The following VAMP7 variants were observed in gnomAD, a reference collection of about 807,000 sequenced individuals.
VAMP7 encodes vesicle associated membrane protein 7, also known as vesicle-associated membrane protein 7.
In VAMP7, 14 loss-of-function variants were observed where a neutral mutation model predicts 29.6. The ratio of observed to expected loss-of-function variants is 0.47; its 90% CI spans 0.31 to 0.74. VAMP7 has a LOEUF of 0.74. VAMP7 is among the 30% of genes least tolerant of loss of function. The probability of loss-of-function intolerance (pLI) is 0.05; values close to 1 mark genes in which losing one functional copy is unlikely to be tolerated. For synonymous variants in VAMP7, 95 were observed against 88.1 expected (o/e 1.08, Z -0.44); for missense variants, 223 against 262.4 (o/e 0.85, Z 1.04).
intron 6 of VAMP7, among the ~76,000 whole-genome samples, chrX:155,928,993 A>G (rs1322266366): frequency 3.3e-5 from 5 of 152,206 alleles, no homozygotes; most frequent in African/African-American, 7.2e-5. Flanking sequence ...TTTTCTTCAT[A>G]TGAGTTTGTG....
intron 5 of VAMP7, among the ~76,000 whole-genome samples, chrX:155,907,743 C>CA (rs1243662527): frequency 1.3e-5 from 2 of 152,150 alleles, no homozygotes; most frequent in African/African-American, 4.8e-5. Context: ...TTCTATTCCA[C>CA]AAAACCGCCA....
chrX:155,892,906 C>G (rs1040881626), intron 2 of VAMP7, among the ~76,000 whole-genome samples: 9 of 152,040 alleles, frequency 5.9e-5, no homozygotes, highest in Admixed American at 3.3e-4. Flanking sequence ...GCGTGTGCCA[C>G]CACGCCTGGC....
Position 155,941,054 on chromosome X carries a change from T to C in VAMP7, c.595-829T>C, listed in dbSNP as rs746367507. 5.9e-5 allele frequency among the ~76,000 whole-genome samples: 9 copies of C among 152,244 alleles called. No homozygotes were observed. The South Asian group carries it at 1.9e-3, about 32-fold the overall frequency. ...AGCCAGGCATAGGGGCTTATGCCTG[T>C]AATCCCAGCACTTTGGGAAGCTGAG... On this transcript the variant is annotated intron_variant, in intron 7 of 7. Transcript: ENST00000286448.
intron 6 of VAMP7, among the ~76,000 whole-genome samples, chrX:155,921,091 T>C (rs1048496388): frequency 6.6e-6 from 1 of 152,156 alleles, no homozygotes; most frequent in Non-Finnish European, 1.5e-5. Context: ...CTCTTAGTTA[T>C]TCTTAATTCT....
At chrX:155,918,509 G>A (rs1212137525) in intron 5 of VAMP7, among the ~76,000 whole-genome samples, 3 of 152,118 alleles carry the variant, frequency 2.0e-5, no homozygotes, top group Non-Finnish European at 2.9e-5. Flanking sequence ...CTGGGCCAGA[G>A]TGCACCATTC....
chrX:155,893,712 C>T (rs1467697565), intron 2 of VAMP7, among the ~76,000 whole-genome samples: 1 of 152,172 alleles, frequency 6.6e-6, no homozygotes, highest in Admixed American at 6.5e-5. Flanking sequence ...AATCCCATCA[C>T]GAGGACCCCA....
At chrX:155,905,042 A>G (rs2066128756) in intron 5 of VAMP7, among the ~76,000 whole-genome samples, 1 of 151,794 alleles carries the variant, frequency 6.6e-6, no homozygotes. Context: ...ATACATTCCT[A>G]ATAGCAATGT....
intron 6 of VAMP7, 59 bp from the exon 7 acceptor site, chrX:155,939,642 A>G: frequency 8.4e-7 from 1 of 1,191,642 alleles, no homozygotes; most frequent in Non-Finnish European, 1.3e-6. Flanking sequence ...TCAGGTTGTT[A>G]CTGCAAATCA....
At chrX:155,933,276 T>C (rs954811308) in intron 6 of VAMP7, among the ~76,000 whole-genome samples, 1 of 152,208 alleles carries the variant, frequency 6.6e-6, no homozygotes, top group Non-Finnish European at 1.5e-5. Context: ...TCAGAAGGAA[T>C]GGTGTCAGCT....
chrX:155,894,873 C>G (rs767727072), intron 2 of VAMP7, among the ~76,000 whole-genome samples: 2 of 152,120 alleles, frequency 1.3e-5, no homozygotes, highest in South Asian at 4.2e-4. Flanking sequence ...GCCTCAGCCT[C>G]CCAAAGTGCT....
chrX:155,939,727 A>T lies in VAMP7; in HGVS notation c.528A>T (p.Arg176Ser), dbSNP rs1320346446. Residue 176 changes from arginine (R) to serine (S), a missense_variant, in exon 7 of 8, where the codon AGA becomes AGT. Physicochemically the swap from Arg to Ser is moderately radical, Grantham distance 110. Transcript: ENST00000286448. Reference sequence around the variant, plus strand: ...CTGTCACCTTCAAAACTACCAGCAGAAATCTTGCTCGAGCCATGTGTATGA... The same window carrying T: ...CTGTCACCTTCAAAACTACCAGCAGTAATCTTGCTCGAGCCATGTGTATGA... ...DSSVTFKTTS[R>S]NLARAMCMKN... is the part of the protein sequence containing the mutation. The T allele has an allele frequency of 3.1e-6, 5 of 1,613,924 alleles. No individual in the cohort carries two copies. The highest frequency in any genetic ancestry group is 3.4e-6 in the Non-Finnish European group (4 of 1,179,836).
chrX:155,932,415 G>A (rs1228895326), intron 6 of VAMP7, among the ~76,000 whole-genome samples: 1 of 152,078 alleles, frequency 6.6e-6, no homozygotes, highest in Non-Finnish European at 1.5e-5. Flanking sequence ...CCTTGAAGAG[G>A]TCCTTCACAT....
chrX:155,892,673 C>T (rs1222060155), intron 2 of VAMP7, among the ~76,000 whole-genome samples: 2 of 152,030 alleles, frequency 1.3e-5, no homozygotes, highest in Non-Finnish European at 2.9e-5. Flanking sequence ...TCAGGCACCG[C>T]AATCAGACAC....
Position 155,895,386 on chromosome X carries a change from T to C in VAMP7, c.147-237T>C, listed in dbSNP as rs770307219. ...TTGCAGCTATCGTTCTAATGGGTAA[T>C]ACACATGCTGTTGTGCTATGTAGCT... On this transcript the variant is annotated intron_variant, in intron 2 of 7. Coordinates refer to ENST00000286448, the MANE Select transcript of VAMP7 (RefSeq NM_005638.6). 3.3e-5 allele frequency among the ~76,000 whole-genome samples: 5 copies of C among 152,322 alleles called. No homozygotes were observed. The South Asian group carries it at 1.0e-3, about 32-fold the overall frequency.
chrX:155,934,860 A>G (rs1415219017), intron 6 of VAMP7, among the ~76,000 whole-genome samples: 1 of 136,036 alleles, frequency 7.4e-6, no homozygotes, highest in African/African-American at 2.9e-5. Flanking sequence ...TTCCATGTTT[A>G]GTGCTTCCTT....
intron 5 of VAMP7, among the ~76,000 whole-genome samples, chrX:155,908,634 G>T (rs1319366193): frequency 6.6e-6 from 1 of 151,984 alleles, no homozygotes; most frequent in Non-Finnish European, 1.5e-5. Context: ...TGATACCAGG[G>T]TAATGCTGGG....
chrX:155,900,424 C>A (rs1021670338), intron 4 of VAMP7, 73 bp from the exon 5 acceptor site: 265 of 1,165,760 alleles, frequency 2.3e-4, no homozygotes, highest in Non-Finnish European at 3.2e-4. Flanking sequence ...TGTAAATTGT[C>A]ATTCCCCTTA....
chrX:155,900,446 C>A, intron 4 of VAMP7, 51 bp from the exon 5 acceptor site: 2 of 1,412,652 alleles, frequency 1.4e-6, no homozygotes, highest in Admixed American at 2.2e-5. Context: ...TTTTGTTTTC[C>A]TATTGTAAAT....
intron 6 of VAMP7, among the ~76,000 whole-genome samples, chrX:155,928,701 T>C (rs1265349545): frequency 2.0e-5 from 3 of 152,184 alleles, no homozygotes; most frequent in Admixed American, 1.3e-4. Context: ...CCAGATAATA[T>C]CACATATGTC....
Sources: gnomAD v4.1 joint callset for allele counts (sites outside exome capture counted in the v4.1 genomes callset) on GRCh38, gnomAD v4.1.1 for gene constraint, MANE v1.5 for transcripts, NCBI Gene and HGNC (gene_info 2026-07-23, HGNC 2026-07-21) for gene names.